Variants in ABCA3 observed in about 807,000 individuals in gnomAD.
The protein encoded by ABCA3 is ATP binding cassette subfamily A member 3, also known as phospholipid-transporting ATPase ABCA3.
ABCA3 carries 88 observed loss-of-function variants against 172.8 expected under a neutral mutation model. The ratio of observed to expected loss-of-function variants is 0.51; its 90% CI spans 0.43 to 0.61. The LOEUF (loss-of-function observed/expected upper bound fraction) is 0.61, where lower values mean the gene tolerates loss of function less well. Ranked by LOEUF, ABCA3 falls within the 20% of genes least tolerant of loss-of-function variation. ABCA3 has a pLI of 0.00. For missense variants in ABCA3, 2,164 were observed against 2,301.0 expected (o/e 0.94, Z 1.22); for synonymous variants, 1,066 against 983.8 (o/e 1.08, Z -1.56).
intron 8 of ABCA3, among the ~76,000 whole-genome samples, chr16:2,319,291 C>T (rs970805472): frequency 6.6e-6 from 1 of 152,124 alleles, no homozygotes; most frequent in Non-Finnish European, 1.5e-5. Context: ...TGAGACCATC[C>T]TGGCTAACAC....
intron 7 of ABCA3, among the ~76,000 whole-genome samples, chr16:2,321,054 C>A (rs2093725310): frequency 6.8e-6 from 1 of 146,202 alleles, no homozygotes; most frequent in Non-Finnish European, 1.5e-5. Context: ...TTTGTACATG[C>A]TGAAATCTGT....
Position 2,278,525 on chromosome 16 carries a change from T to C in ABCA3, c.4548-67A>G, listed in dbSNP as rs184903582. On this transcript the variant is annotated intron_variant, in intron 29 of 32. Coordinates refer to ENST00000301732, the MANE Select transcript of ABCA3 (RefSeq NM_001089.3). This position sits in a 1 kb window ranked among gnomAD's most constrained non-coding sequence, Gnocchi z 4.4. ...GTTAGCATTGGCTCCCATGTCCCAG[T>C]GGAGGCCCGTGTCCCAGCAGCGGCC... The C allele has an allele frequency of 1.1e-4, 181 of 1,580,426 alleles. No individual in the cohort carries two copies. In the African/African-American group the frequency reaches 2.1e-3, roughly 18 times the overall value.
intron 10 of ABCA3, among the ~76,000 whole-genome samples, chr16:2,316,887 A>C (rs2093716772): frequency 6.6e-6 from 1 of 152,212 alleles, no homozygotes; most frequent in Non-Finnish European, 1.5e-5. Context: ...GCACTACAGA[A>C]GGCCAACAGA....
intron 7 of ABCA3, 143 bp downstream of exon 7, chr16:2,323,380 C>A: frequency 9.3e-7 from 1 of 1,078,086 alleles, no homozygotes; most frequent in Non-Finnish European, 1.4e-6. Context: ...GCACTATTCA[C>A]AACAGCAAAG....
chr16:2,281,803 A>G lies in ABCA3; in HGVS notation c.4036-294T>C, dbSNP rs552412079. On this transcript the variant is annotated intron_variant, in intron 26 of 32. Transcript: ENST00000301732. This position sits in a 1 kb window ranked among gnomAD's most constrained non-coding sequence, Gnocchi z 4.7. The stretch of plus-strand genomic sequence containing the variant: ...GGGGAATATAAAATAAGATTTTTAG[A>G]CAATTTTTTTTTTTTTTTTGAGACA... Among the ~76,000 whole-genome samples the G allele has an allele frequency of 7.2e-5, 11 of 152,078 alleles. No individual in the cohort carries two copies. Among genetic ancestry groups the G allele is most frequent in the African/African-American group, 2.2e-4 (9 of 41,490 alleles).
chr16:2,282,287 T>C lies in ABCA3; in HGVS notation c.4036-778A>G, dbSNP rs564437433. Among the ~76,000 whole-genome samples the C allele has an allele frequency of 5.3e-5, 8 of 152,268 alleles. No homozygotes were observed. The South Asian group carries it at 1.0e-3, about 20-fold the overall frequency. On this transcript the variant is annotated intron_variant, in intron 26 of 32. Transcript: ENST00000301732. ...AATTTTTAAAACTGTTTAGAAGAGA[T>C]AGGGTCTCACTATGTTGCCCAGACT...
At chr16:2,288,500 C>T (rs1212240354) in intron 20 of ABCA3, among the ~76,000 whole-genome samples, 171 bp from the exon 21 acceptor site, 1 of 152,222 alleles carries the variant, frequency 6.6e-6, no homozygotes, top group African/African-American at 2.4e-5. Context: ...GCTCAGTGCA[C>T]CACATGGCAG....
In ABCA3 at chr16:2,276,691, C is replaced by A; in HGVS notation, c.5098G>T (p.Ala1700Ser). Residue 1700 changes from alanine to serine, a missense_variant, in exon 33 of 33, where the codon GCA becomes TCA. Coordinates refer to ENST00000301732, the MANE Select transcript of ABCA3 (RefSeq NM_001089.3). ...GCCACCCCTCATCGCCCCTCCTCTG[C>A]GGTGGGCGGCTGCAGGTGGGCGAAG... is the stretch of plus-strand genomic sequence containing the variant. Reference protein sequence around the residue: ...LSFAHLQPPTAEEGR With the variant: ...LSFAHLQPPTSEEGR 1 of 1,613,472 alleles carries A rather than the reference C, an allele frequency of 6.2e-7. No individual in the cohort carries two copies. Among genetic ancestry groups the A allele is most frequent in the Non-Finnish European group, 8.5e-7 (1 of 1,180,042 alleles).
rs1459685080 is a variant in ABCA3, at chr16:2,289,436, C to G, written c.2698G>C (p.Gly900Arg). ...CGCCCACCCACCTGGGCACTCACCC[C>G]AGTGTTGAGCTTGACAGCGGTGCGC... ...EERTAVKLNT[G>R]LALHCQQFWA... The change falls in exon 20 of 33, where the codon GGG becomes CGG. Residue 900 changes from glycine (G) to arginine (R), a missense_variant and splice_region_variant. Physicochemically the swap from Gly to Arg is moderately radical, Grantham distance 125. Coordinates refer to ENST00000301732, the MANE Select transcript of ABCA3 (RefSeq NM_001089.3). The G allele has an allele frequency of 6.3e-7, 1 of 1,583,150 alleles. No individual in the cohort carries two copies. The highest frequency in any genetic ancestry group is 1.8e-5 in the Admixed American group (1 of 55,254).
rs1461260617 is a variant in ABCA3 at position 2,278,874 on chromosome 16, C to T, written c.4547+69G>A. On this transcript the variant is annotated intron_variant, in intron 29 of 32. Transcript: ENST00000301732. This position sits in a 1 kb window ranked among gnomAD's most constrained non-coding sequence, Gnocchi z 4.4. ...TGGCTGCTGACCTGAGCGGTCACTC[C>T]CAGCTCTATGCTATGGGGACCTTGA... 1 of 1,605,322 alleles carries T rather than the reference C, an allele frequency of 6.2e-7. No homozygotes were observed. The highest frequency in any genetic ancestry group is 1.3e-5 in the African/African-American group (1 of 74,818).
In ABCA3 at chr16:2,276,240, C is replaced by T. The variant is rs892306077; in HGVS notation, c.*434G>A. Reference sequence around the variant, plus strand: ...TCCATTCCTGGCGGCCTGGGGGCCTCGCTACAGTTCAACCTGGCTGGCTTC... The same window carrying T: ...TCCATTCCTGGCGGCCTGGGGGCCTTGCTACAGTTCAACCTGGCTGGCTTC... On this transcript the variant is annotated 3_prime_UTR_variant, in exon 33 of 33. Coordinates refer to ENST00000301732, the MANE Select transcript of ABCA3 (RefSeq NM_001089.3). 1.1e-5 allele frequency: 5 copies of T among 451,392 alleles called. No homozygotes were observed. Among genetic ancestry groups the T allele is most frequent in the South Asian group, 3.1e-5 (2 of 63,790 alleles). The allele number at this position is 451,392 out of a possible 1,614,324, so 28.0% of individuals were successfully genotyped here. A position where few individuals can be genotyped will look rare whatever the true frequency, so the allele number is the denominator to read the frequency against.
chr16:2,284,394 G>T lies in ABCA3; in HGVS notation c.3747C>A (p.Phe1249Leu), dbSNP rs753203795. Residue 1249 changes from phenylalanine to leucine, a missense_variant, in exon 25 of 33, where the codon TTC (phenylalanine) becomes TTA (leucine). This residue lies in a region of ABCA3 where 795 missense variants were observed against 881.9 expected (regional missense o/e 0.90). Coordinates refer to ENST00000301732, the MANE Select transcript of ABCA3 (RefSeq NM_001089.3). This position sits in a 1 kb window ranked among gnomAD's most constrained non-coding sequence, Gnocchi z 5.9. The part of the protein sequence containing the change: ...EELSKTLDHV[F>L]LVLPNHCLGM... ...CCAGACAGTGGTTGGGCAGCACCAG[G>T]AACACGTGATCCAGGGTTTTGGAAA... 2 of 1,613,976 alleles carry T rather than the reference G, an allele frequency of 1.2e-6. No homozygotes were observed. The highest frequency in any genetic ancestry group is 1.7e-6 in the Non-Finnish European group (2 of 1,180,006).
chr16:2,282,488 C>T (rs2093656673), intron 26 of ABCA3, among the ~76,000 whole-genome samples: 1 of 152,224 alleles, frequency 6.6e-6, no homozygotes, highest in South Asian at 2.1e-4. Context: ...GCTGTATGTG[C>T]AATGCAATGT....
At chr16:2,291,249 C>A (rs1358327974) in intron 19 of ABCA3, among the ~76,000 whole-genome samples, 1 of 152,040 alleles carries the variant, frequency 6.6e-6, no homozygotes, top group Non-Finnish European at 1.5e-5. Context: ...TCGCTTGAAT[C>A]TGGGAGGCAG....
intron 4 of ABCA3, 23 bp from the exon 5 acceptor site, chr16:2,326,297 C>T (rs753881111): frequency 1.2e-5 from 20 of 1,611,730 alleles, no homozygotes; most frequent in South Asian, 4.4e-5. Flanking sequence ...CAATAGGGCA[C>T]GGTGATGGGC....
At chr16:2,336,779 T>C (rs1317935611) in intron 1 of ABCA3, among the ~76,000 whole-genome samples, 1 of 152,032 alleles carries the variant, frequency 6.6e-6, no homozygotes, top group Non-Finnish European at 1.5e-5. Flanking sequence ...TGCTGGGACT[T>C]AGGATTCAAT....
Position 2,287,178 on chromosome 16 carries a change from C to T in ABCA3, c.3005-211G>A, listed in dbSNP as rs1567339241. Among the ~76,000 whole-genome samples, 1 of 152,152 alleles carries T rather than the reference C, an allele frequency of 6.6e-6. No homozygotes were observed. Among genetic ancestry groups the T allele is most frequent in the Non-Finnish European group, 1.5e-5 (1 of 68,038 alleles). ...GGAACTTTGAATGCCAGTCAGGAAC[C>T]GGGAAAGGAGCTGCAAAATAAGAAA... On this transcript the variant is annotated intron_variant, in intron 21 of 32. Transcript: ENST00000301732. The surrounding 1 kb of genome is among the most constrained non-coding windows in gnomAD (Gnocchi z 4.1).
At chr16:2,308,239 G>A (rs901225250) in intron 11 of ABCA3, among the ~76,000 whole-genome samples, 1 of 152,188 alleles carries the variant, frequency 6.6e-6, no homozygotes, top group South Asian at 2.1e-4. Context: ...ATCACCTCCT[G>A]CTGTGCCGTG....
Position 2,277,870 on chromosome 16 carries a change from G to A in ABCA3, c.4909+9C>T, listed in dbSNP as rs538195955. 129 of 1,608,034 alleles carry A rather than the reference G, an allele frequency of 8.0e-5. No individual in the cohort carries two copies. Among genetic ancestry groups the A allele is most frequent in the Middle Eastern group, 2.2e-4 (1 of 4,488 alleles). ...CCACCCAGTGGGGGCTGCCGGGGCC[G>A]GCACACACCTGGAAAGGTCAGGTCC... is the stretch of plus-strand genomic sequence containing the variant. On this transcript the variant is annotated intron_variant, in intron 31 of 32. Coordinates refer to ENST00000301732, the MANE Select transcript of ABCA3 (RefSeq NM_001089.3). This position sits in a 1 kb window ranked among gnomAD's most constrained non-coding sequence, Gnocchi z 5.3.
Sources: allele counts gnomAD v4.1 joint callset (sites outside exome capture counted in the v4.1 genomes callset), GRCh38; gene constraint gnomAD v4.1.1; regional missense constraint gnomAD v4.1.1; non-coding constraint Gnocchi (gnomAD v3.1); transcripts MANE v1.5; gene names NCBI Gene and HGNC (gene_info 2026-07-23, HGNC 2026-07-21).